ZNF521: variants seen among roughly 807,000 people sequenced by gnomAD.
ZNF521 encodes zinc finger protein 521.
ZNF521 carries 14 observed loss-of-function variants against 105.5 expected under a neutral mutation model. That is an observed-to-expected ratio of 0.13 (90% confidence interval 0.09 to 0.21). The LOEUF is 0.21. ZNF521 is among the 10% of genes least tolerant of loss of function. The probability of loss-of-function intolerance (pLI) is 1.00; values close to 1 mark genes in which losing one functional copy is unlikely to be tolerated. For missense variants in ZNF521, 1,233 were observed against 1,629.7 expected, an observed-to-expected ratio of 0.76 and a Z score of 4.19; for synonymous variants, 635 against 606.0, an observed-to-expected ratio of 1.05 and a Z score of -0.70.
intron 3 of ZNF521, among the ~76,000 whole-genome samples, chr18:25,317,731 C>T (rs1912719013): frequency 6.6e-6 from 1 of 152,108 alleles, no homozygotes; most frequent in South Asian, 2.1e-4. Context: ...AGGAAAAATA[C>T]ACCTTAAATG....
intron 2 of ZNF521, among the ~76,000 whole-genome samples, chr18:25,334,478 A>G (rs1302862226): frequency 3.9e-5 from 6 of 152,188 alleles, no homozygotes. Flanking sequence ...TTTCTCACCT[A>G]TAAAATGAGA....
intron 5 of ZNF521, among the ~76,000 whole-genome samples, chr18:25,148,398 T>C (rs954004486): frequency 1.1e-4 from 17 of 152,202 alleles, no homozygotes; most frequent in Admixed American, 5.2e-4. Flanking sequence ...TGTATTCACA[T>C]CTGTCATCTA....
At chr18:25,256,217 T>C (rs558714264) in intron 3 of ZNF521, among the ~76,000 whole-genome samples, 16 of 151,878 alleles carry the variant, frequency 1.1e-4, no homozygotes, top group Admixed American at 5.3e-4. Flanking sequence ...GTCAAATTCA[T>C]AGAGACAAAA....
intron 3 of ZNF521, among the ~76,000 whole-genome samples, chr18:25,320,932 C>A (rs142787401): frequency 2.8e-4 from 42 of 152,334 alleles, no homozygotes; most frequent in Non-Finnish European, 5.0e-4. Context: ...AGCCACAAGG[C>A]ACTTTTAATA....
chr18:25,091,336 T>C (rs879406910), intron 6 of ZNF521, among the ~76,000 whole-genome samples: 1 of 152,200 alleles, frequency 6.6e-6, no homozygotes, highest in Admixed American at 6.5e-5. Context: ...AGATTTACTT[T>C]TTTTTTTCTG....
intron 7 of ZNF521, among the ~76,000 whole-genome samples, chr18:25,075,423 C>T (rs1258257869): frequency 1.3e-5 from 2 of 152,150 alleles, no homozygotes; most frequent in Non-Finnish European, 1.5e-5. Flanking sequence ...TTTCCTTCAC[C>T]AATGACTCCT....
chr18:25,219,397 T>C lies in ZNF521; in HGVS notation c.3573+4948A>G, dbSNP rs75984573. Among the ~76,000 whole-genome samples, 903 of 152,082 alleles carry C rather than the reference T, an allele frequency of 5.9e-3. 9 individuals are homozygous for C. Among genetic ancestry groups the C allele is most frequent in the African/African-American group, 0.02 (839 of 41,490 alleles). Reference sequence around the variant, plus strand: ...GTGAAATAGAAAACATAAGAAAAAATGCAGGTTTAGAGAAAAGGTGCTGAG... The same window carrying C: ...GTGAAATAGAAAACATAAGAAAAAACGCAGGTTTAGAGAAAAGGTGCTGAG... On this transcript the variant is annotated intron_variant, in intron 4 of 7. Transcript: ENST00000361524.
At chr18:25,073,053 G>T (rs1437994373) in intron 7 of ZNF521, among the ~76,000 whole-genome samples, 1 of 151,984 alleles carries the variant, frequency 6.6e-6, no homozygotes, top group Non-Finnish European at 1.5e-5. Flanking sequence ...AAGAAGGCTT[G>T]TCTGACATTG....
chr18:25,207,905 A>G (rs867018356), intron 4 of ZNF521, among the ~76,000 whole-genome samples: 2 of 152,208 alleles, frequency 1.3e-5, no homozygotes, highest in Non-Finnish European at 2.9e-5. Context: ...TAATCTGGAA[A>G]AATAGGGGGC....
At position 25,062,588 on chromosome 18, in the gene ZNF521, G is replaced by T; in HGVS notation, c.*124C>A. Reference sequence around the variant, plus strand: ...AACATCCAACAGTTTGATAATACAAGTTTTATGGTACAATACAATGTTTCT... The same window carrying T: ...AACATCCAACAGTTTGATAATACAATTTTTATGGTACAATACAATGTTTCT... On this transcript the variant is annotated 3_prime_UTR_variant, in exon 8 of 8. Coordinates refer to ENST00000361524, the MANE Select transcript of ZNF521 (RefSeq NM_015461.3). The T allele has an allele frequency of 7.6e-7, 1 of 1,317,356 alleles. No homozygotes were observed. Among genetic ancestry groups the T allele is most frequent in the African/African-American group, 1.5e-5 (1 of 67,322 alleles). 81.6% of individuals were successfully genotyped at this position (1,317,356 alleles called of 1,614,324 possible).
chr18:25,172,084 A>C (rs2035458758), intron 5 of ZNF521, among the ~76,000 whole-genome samples: 1 of 152,178 alleles, frequency 6.6e-6, no homozygotes, highest in Non-Finnish European at 1.5e-5. Context: ...TTTAATTGAA[A>C]AGAGTATTAA....
At chr18:25,214,627 T>C (rs1223788494) in intron 4 of ZNF521, among the ~76,000 whole-genome samples, 3 of 152,220 alleles carry the variant, frequency 2.0e-5, no homozygotes, top group African/African-American at 4.8e-5. Flanking sequence ...TTCTATATTA[T>C]GCCTTCTTTG....
chr18:25,093,997 A>T (rs2144227155), intron 5 of ZNF521, among the ~76,000 whole-genome samples: 1 of 152,312 alleles, frequency 6.6e-6, no homozygotes, highest in South Asian at 2.1e-4. Flanking sequence ...AATGCTACAT[A>T]CCTTTATTTT....
chr18:25,241,533 G>A (rs571345143), intron 3 of ZNF521, among the ~76,000 whole-genome samples: 1 of 152,086 alleles, frequency 6.6e-6, no homozygotes, highest in East Asian at 1.9e-4. Flanking sequence ...CATGGGTCAG[G>A]TTGTTGATGA....
At chr18:25,247,808 G>A (rs1262648027) in intron 3 of ZNF521, among the ~76,000 whole-genome samples, 1 of 152,110 alleles carries the variant, frequency 6.6e-6, no homozygotes, top group East Asian at 1.9e-4. Context: ...TAAGGCTATG[G>A]CAATGGTCCA....
chr18:25,185,143 C>G (rs762354794), intron 5 of ZNF521, among the ~76,000 whole-genome samples: 1 of 152,044 alleles, frequency 6.6e-6, no homozygotes, highest in South Asian at 2.1e-4. Flanking sequence ...AATTATTAAA[C>G]CTCTTTGGGG....
intron 4 of ZNF521, among the ~76,000 whole-genome samples, chr18:25,220,329 C>G (rs143513346): frequency 1.2e-4 from 19 of 152,166 alleles, no homozygotes; most frequent in African/African-American, 4.3e-4. Flanking sequence ...AATAAAGTGA[C>G]GAATGCAGAA....
chr18:25,209,146 T>C (rs1028670440), intron 4 of ZNF521, among the ~76,000 whole-genome samples: 2 of 152,138 alleles, frequency 1.3e-5, no homozygotes, highest in Non-Finnish European at 2.9e-5. Flanking sequence ...TTTCTTTTTT[T>C]TTTGAGACAG....
Position 25,116,965 on chromosome 18 carries a change from A to ATATATG in ZNF521, c.3659-24885_3659-24884insCATATA, listed in dbSNP as rs1490843812. Among the ~76,000 whole-genome samples, 485 of 101,662 alleles carry ATATATG rather than the reference A, an allele frequency of 4.8e-3. 4 individuals carry two copies. Among genetic ancestry groups the ATATATG allele is most frequent in the African/African-American group, 0.02 (448 of 22,366 alleles). 66.7% of individuals were successfully genotyped at this position (101,662 alleles called of 152,430 possible). A position where few individuals can be genotyped will look rare whatever the true frequency, so the allele number is the denominator to read the frequency against. On this transcript the variant is annotated intron_variant, in intron 5 of 7. Transcript: ENST00000361524. ...TATACACATATATATGTATATATGT[A>ATATATG]TATATATGTATATATATATACACAC... is the stretch of plus-strand genomic sequence containing the variant.
Sources: gnomAD v4.1 joint callset for allele counts (sites outside exome capture counted in the v4.1 genomes callset) on GRCh38, gnomAD v4.1.1 for gene constraint, MANE v1.5 for transcripts, NCBI Gene and HGNC (gene_info 2026-07-23, HGNC 2026-07-21) for gene names.